The following SIMC1 variants were observed in gnomAD, a reference collection of about 807,000 sequenced individuals.
SIMC1 encodes the protein SUMO-interacting motif-containing protein 1.
In SIMC1, 55 loss-of-function variants were observed where a neutral mutation model predicts 82.3. The observed-to-expected ratio is 0.67, with a 90% confidence interval of 0.54 to 0.84. The LOEUF (loss-of-function observed/expected upper bound fraction) is 0.84. Among genes scored for constraint, SIMC1 ranks in the 40% least tolerant of loss-of-function variants. The pLI, the probability that SIMC1 is intolerant of heterozygous loss-of-function variation, is 0.00. For synonymous variants in SIMC1, 353 were observed against 426.3 expected, an observed-to-expected ratio of 0.83 and a Z score of 2.12; for missense variants, 915 against 1,107.2, an observed-to-expected ratio of 0.83 and a Z score of 2.46.
intron 4 of SIMC1, among the ~76,000 whole-genome samples, chr5:176,305,461 T>G (rs1581281763): frequency 2.2e-5 from 1 of 45,592 alleles, no homozygotes; most frequent in African/African-American, 9.5e-5. Context: ...GGGGCGCCTC[T>G]GCCCGGCCGC....
chr5:176,334,920 G>A (rs928672373), intron 7 of SIMC1, among the ~76,000 whole-genome samples: 2 of 151,772 alleles, frequency 1.3e-5, no homozygotes, highest in Non-Finnish European at 2.9e-5. Context: ...GGTGAAACAT[G>A]TCTCTACTAA....
At chr5:176,309,996 AGAC>A (rs1764594659) in intron 4 of SIMC1, among the ~76,000 whole-genome samples, 1 of 152,212 alleles carries the variant, frequency 6.6e-6, no homozygotes, top group African/African-American at 2.4e-5. Flanking sequence ...AATGGGCAAA[AGAC>A]GTGAATAGAT....
chr5:176,342,173 T>C (rs540175258), intron 9 of SIMC1, among the ~76,000 whole-genome samples: 1 of 152,354 alleles, frequency 6.6e-6, no homozygotes, highest in East Asian at 1.9e-4. Context: ...TTTTTCAGAG[T>C]GGCACATGCC....
intron 1 of SIMC1, among the ~76,000 whole-genome samples, chr5:176,269,819 G>A (rs1387888723): frequency 1.3e-5 from 2 of 152,072 alleles, no homozygotes; most frequent in African/African-American, 4.8e-5. Flanking sequence ...CCCCACAGCT[G>A]ACTGCAGCCT....
At chr5:176,315,977 C>CAT (rs1764884879) in intron 5 of SIMC1, among the ~76,000 whole-genome samples, 1 of 151,332 alleles carries the variant, frequency 6.6e-6, no homozygotes, top group African/African-American at 2.4e-5. Context: ...GAGTTCAAGA[C>CAT]CAGCCTGGCC....
rs556219191 is a variant in SIMC1 at position 176,298,597 on chromosome 5, C to T, written c.1734+2277C>T. Among the ~76,000 whole-genome samples, 13 of 152,266 alleles carry T rather than the reference C, an allele frequency of 8.5e-5. No homozygotes were observed. The East Asian group carries it at 2.3e-3, about 27-fold the overall frequency. ...CCAAAATCATGCCACTGCACTCCAG[C>T]TTGGGCAACAGAGCAAGACTCTGTC... On this transcript the variant is annotated intron_variant, in intron 4 of 9. Coordinates refer to ENST00000429602, the MANE Select transcript of SIMC1 (RefSeq NM_001308195.2).
intron 6 of SIMC1, 25 bp downstream of exon 6, chr5:176,322,450 C>A: frequency 6.3e-7 from 1 of 1,598,142 alleles, no homozygotes; most frequent in East Asian, 2.2e-5. Context: ...GTTCTCTTTC[C>A]TGGGGCTCTT....
At chr5:176,253,021 C>G (rs578231100) in intron 1 of SIMC1, among the ~76,000 whole-genome samples, 1 of 152,162 alleles carries the variant, frequency 6.6e-6, no homozygotes, top group African/African-American at 2.4e-5. Context: ...CGCCTGCAAT[C>G]GCAGGCACTC....
intron 5 of SIMC1, among the ~76,000 whole-genome samples, chr5:176,318,050 G>A (rs1169163172): frequency 6.6e-6 from 1 of 152,192 alleles, no homozygotes; most frequent in African/African-American, 2.4e-5. Context: ...TACAACCTAT[G>A]TAAATGAAGT....
chr5:176,299,458 C>A (rs1246109242), intron 4 of SIMC1, among the ~76,000 whole-genome samples: 2 of 151,278 alleles, frequency 1.3e-5, no homozygotes, highest in Non-Finnish European at 1.5e-5. Flanking sequence ...TTCCTCACAA[C>A]TGGTAATCCA....
chr5:176,345,411 C>G lies in SIMC1; in HGVS notation c.2642C>G (p.Ala881Gly). 3 of 1,613,894 alleles carry G rather than the reference C, an allele frequency of 1.9e-6. No individual in the cohort carries two copies. The highest frequency in any genetic ancestry group is 2.5e-6 in the Non-Finnish European group (3 of 1,179,844). Reference protein sequence around the residue: ...LFYAADLNPDAEPFQKGWSGS With the variant: ...LFYAADLNPDGEPFQKGWSGS ...TATGCTGCGGACTTGAACCCTGATG[C>G]AGAGCCCTTTCAAAAGGGCTGGAGC... Residue 881 changes from alanine to glycine, a missense_variant, in exon 10 of 10, where the codon GCA (alanine) becomes GGA (glycine). This residue lies in a region of SIMC1 where 902 missense variants were observed against 1,040.3 expected (regional missense o/e 0.87). Transcript: ENST00000429602.
At chr5:176,275,330 G>A (rs1051308264) in intron 1 of SIMC1, among the ~76,000 whole-genome samples, 1 of 151,894 alleles carries the variant, frequency 6.6e-6, no homozygotes, top group Non-Finnish European at 1.5e-5. Context: ...TTTGTATCCT[G>A]AGACTTTGCT....
chr5:176,275,669 G>T (rs1339712117), intron 1 of SIMC1, among the ~76,000 whole-genome samples: 1 of 151,816 alleles, frequency 6.6e-6, no homozygotes, highest in Non-Finnish European at 1.5e-5. Flanking sequence ...TTTATTGAGA[G>T]TTTTTAGCAT....
At chr5:176,281,538 T>C (rs976986616) in intron 1 of SIMC1, among the ~76,000 whole-genome samples, 3 of 152,082 alleles carry the variant, frequency 2.0e-5, no homozygotes, top group African/African-American at 7.2e-5. Context: ...TCTGCTCTGC[T>C]TTTTCCCCAT....
intron 7 of SIMC1, among the ~76,000 whole-genome samples, chr5:176,331,921 A>T (rs1037904274): frequency 6.6e-6 from 1 of 151,902 alleles, no homozygotes; most frequent in African/African-American, 2.4e-5. Context: ...GTGAGCCAAG[A>T]TTGTGCCACT....
At chr5:176,248,081 G>A (rs956400906) in intron 1 of SIMC1, among the ~76,000 whole-genome samples, 2 of 151,960 alleles carry the variant, frequency 1.3e-5, no homozygotes, top group African/African-American at 4.8e-5. Flanking sequence ...GATTGTCTTG[G>A]CTATATGGGC....
intron 1 of SIMC1, among the ~76,000 whole-genome samples, chr5:176,251,771 G>T (rs1486498873): frequency 1.3e-5 from 2 of 150,798 alleles, no homozygotes; most frequent in African/African-American, 4.9e-5. Flanking sequence ...AGATTAGGGA[G>T]TGGTGATGAC....
intron 7 of SIMC1, among the ~76,000 whole-genome samples, chr5:176,334,611 G>A (rs1273909002): frequency 2.6e-5 from 4 of 152,104 alleles, no homozygotes; most frequent in Non-Finnish European, 1.5e-5. Context: ...CATTTCCTGA[G>A]CACCCTATTC....
At chr5:176,306,676 G>A (rs996984534) in intron 4 of SIMC1, among the ~76,000 whole-genome samples, 173 of 151,760 alleles carry the variant, frequency 1.1e-3, no homozygotes, top group Non-Finnish European at 1.9e-3. Flanking sequence ...ATTAAGGGCG[G>A]TGCAAGATGT....
Sources: gnomAD v4.1 joint callset for allele counts (sites outside exome capture counted in the v4.1 genomes callset) on GRCh38, gnomAD v4.1.1 for gene constraint, gnomAD v4.1.1 regional missense constraint, MANE v1.5 for transcripts, NCBI Gene and HGNC (gene_info 2026-07-23, HGNC 2026-07-21) for gene names.